TCTA: variants seen among roughly 807,000 people sequenced by gnomAD.
TCTA encodes the protein T-cell leukemia translocation-altered gene protein.
In TCTA, 13 loss-of-function variants were observed where a neutral mutation model predicts 13.5. That is an observed-to-expected ratio of 0.96 (90% CI 0.63 to 1.53). The LOEUF is 1.53. Ranked by LOEUF, TCTA falls within the 40% of genes most tolerant of loss-of-function variation. TCTA has a pLI of 0.00. For synonymous variants in TCTA, 58 were observed against 59.0 expected (o/e 0.98, Z 0.08); for missense variants, 138 against 131.3 (o/e 1.05, Z -0.25).
At chr3:49,412,964 C>A in intron 1 of TCTA, 92 bp from the exon 2 acceptor site, 1 of 1,348,262 alleles carries the variant, frequency 7.4e-7, no homozygotes, top group Non-Finnish European at 1.0e-6. Flanking sequence ...CTTCACCAAA[C>A]AATACCAGTG....
intron 2 of TCTA, 39 bp downstream of exon 2, chr3:49,413,149 A>T (rs749671476): frequency 3.1e-6 from 5 of 1,611,816 alleles, no homozygotes; most frequent in Non-Finnish European, 4.2e-6. Flanking sequence ...CATGCTTGGC[A>T]TTCCAAGGAC....
intron 2 of TCTA, 184 bp downstream of exon 2, chr3:49,413,294 A>G (rs1369566697): frequency 1.6e-6 from 1 of 617,854 alleles, no homozygotes; most frequent in Non-Finnish European, 2.9e-6. Flanking sequence ...TGGACAGTCC[A>G]TCATCATGCT....
Position 49,412,485 on chromosome 3 carries a change from C to T in TCTA, c.59C>T (p.Ala20Val). Residue 20 changes from alanine to valine, a missense_variant, in exon 1 of 3, where the codon GCG becomes GTG. Ala to Val is a moderately conservative substitution (Grantham distance 64). Transcript: ENST00000273590. ...LQALPATVLG[A>V]LGSEFLREWE... ...GCTCTGCCGGCCACGGTGCTGGGCGCGCTGGGCAGCGAGTTCTTGCGGGAG... is the reference window on the plus strand; with the variant it reads ...GCTCTGCCGGCCACGGTGCTGGGCGTGCTGGGCAGCGAGTTCTTGCGGGAG... 1 of 1,613,970 alleles carries T rather than the reference C, an allele frequency of 6.2e-7. No individual in the cohort carries two copies. Among genetic ancestry groups the T allele is most frequent in the Non-Finnish European group, 8.5e-7 (1 of 1,179,982 alleles).
chr3:49,412,914 C>G (rs1242222029), intron 1 of TCTA, 142 bp from the exon 2 acceptor site: 2 of 838,054 alleles, frequency 2.4e-6, no homozygotes, highest in Non-Finnish European at 3.8e-6. Context: ...TCAGAACTCT[C>G]ACCTGGCAAT....
chr3:49,412,679 C>G (rs754865265), intron 1 of TCTA, 39 bp downstream of exon 1: 1 of 1,600,052 alleles, frequency 6.2e-7, no homozygotes, highest in Non-Finnish European at 8.6e-7. Context: ...TGGCCGCCCC[C>G]GCCCCCACCC....
chr3:49,414,766 A>G, intron 2 of TCTA, 54 bp from the exon 3 acceptor site: 1 of 1,610,884 alleles, frequency 6.2e-7, no homozygotes. Context: ...AATTTCAGCA[A>G]CTGTTCTGCC....
At position 49,413,038 on chromosome 3, in the gene TCTA, A is replaced by C; in HGVS notation, c.215-18A>C. 6.2e-7 allele frequency: 1 copy of C among 1,613,702 alleles called. No homozygotes were observed. Among genetic ancestry groups the C allele is most frequent in the South Asian group, 1.1e-5 (1 of 91,040 alleles). On this transcript the variant is annotated intron_variant, in intron 1 of 2. Transcript: ENST00000273590. ...CCACCCCAGCCTTCTGCAGCTCTGGATGTGTTTCTGCCTCCAGGTCTGGGT... is the reference window on the plus strand; with the variant it reads ...CCACCCCAGCCTTCTGCAGCTCTGGCTGTGTTTCTGCCTCCAGGTCTGGGT...
Position 49,412,536 on chromosome 3 carries a change from C to G in TCTA, c.110C>G (p.Thr37Ser), listed in dbSNP as rs776467205. Residue 37 changes from threonine (T) to serine (S), a missense_variant, in exon 1 of 3, where the codon ACC becomes AGC. By Grantham distance (58) the Thr-to-Ser change is moderately conservative. Transcript: ENST00000273590. ...REWEAQDMRVTLFKLLLLWLV... is the reference protein window; with the variant it reads ...REWEAQDMRVSLFKLLLLWLV... The stretch of plus-strand genomic sequence containing the variant: ...TGGGAGGCGCAGGACATGCGCGTGA[C>G]CCTCTTCAAGCTGCTGCTGCTGTGG... 1.2e-6 allele frequency: 2 copies of G among 1,614,262 alleles called. No homozygotes were observed. Among genetic ancestry groups the G allele is most frequent in the Non-Finnish European group, 1.7e-6 (2 of 1,180,044 alleles).
At chr3:49,413,288 C>G in intron 2 of TCTA, 178 bp downstream of exon 2, 1 of 645,224 alleles carries the variant, frequency 1.5e-6, no homozygotes, top group South Asian at 1.8e-5. Context: ...AAGGTCTGGA[C>G]AGTCCATCAT....
intron 1 of TCTA, 136 bp downstream of exon 1, chr3:49,412,776 C>T (rs2048965165): frequency 1.9e-6 from 2 of 1,079,386 alleles, no homozygotes; most frequent in Non-Finnish European, 2.7e-6. Flanking sequence ...CTACCCTGAA[C>T]GCATCTGACC....
rs776467205 is a variant in TCTA at position 49,412,536 on chromosome 3, C to T, written c.110C>T (p.Thr37Ile). The part of the protein sequence containing the change: ...REWEAQDMRV[T>I]LFKLLLLWLV... ...TGGGAGGCGCAGGACATGCGCGTGACCCTCTTCAAGCTGCTGCTGCTGTGG... is the reference window on the plus strand; with the variant it reads ...TGGGAGGCGCAGGACATGCGCGTGATCCTCTTCAAGCTGCTGCTGCTGTGG... Residue 37 changes from threonine (T) to isoleucine (I), a missense_variant, in exon 1 of 3, where the codon ACC becomes ATC. Thr to Ile is a moderately conservative substitution (Grantham distance 89). Coordinates refer to ENST00000273590, the MANE Select transcript of TCTA (RefSeq NM_022171.3). 8 of 1,614,262 alleles carry T rather than the reference C, an allele frequency of 5.0e-6. No homozygotes were observed. The highest frequency in any genetic ancestry group is 2.2e-5 in the South Asian group (2 of 91,086).
chr3:49,416,183 T>C lies in TCTA; in HGVS notation c.*1321T>C, dbSNP rs2048997966. 1 of 157,870 alleles carries C rather than the reference T, an allele frequency of 6.3e-6. No individual in the cohort carries two copies. The highest frequency in any genetic ancestry group is 1.4e-5 in the Non-Finnish European group (1 of 71,204). 9.8% of individuals were successfully genotyped at this position (157,870 alleles called of 1,614,324 possible). ...TAGAAACACCAGTACCTGAAAGCAC[T>C]GTAGCCCTGGACCTGCCTCCTTCCC... On this transcript the variant is annotated 3_prime_UTR_variant, in exon 3 of 3. Transcript: ENST00000273590.
Position 49,414,908 on chromosome 3 carries a change from C to T in TCTA, c.*46C>T. The T allele has an allele frequency of 6.2e-7, 1 of 1,612,148 alleles. No homozygotes were observed. The highest frequency in any genetic ancestry group is 8.5e-7 in the Non-Finnish European group (1 of 1,178,472). On this transcript the variant is annotated 3_prime_UTR_variant, in exon 3 of 3. Transcript: ENST00000273590. ...CCAAGGGCATCACTGGGTCTGCTGG[C>T]TTCTACACTGGGTTCTGCTACTCCC...
rs4987108 is a variant in TCTA at position 49,416,410 on chromosome 3, A to G, written c.*1548A>G. The stretch of plus-strand genomic sequence containing the variant: ...GGCCCACCCACTAATACTACTGCAC[A>G]GAGTCAGGATCTCACATTTCACCCC... On this transcript the variant is annotated 3_prime_UTR_variant, in exon 3 of 3. Transcript: ENST00000273590. 3.8e-4 allele frequency: 103 copies of G among 272,706 alleles called. No individual in the cohort carries two copies. The highest frequency in any genetic ancestry group is 2.1e-3 in the African/African-American group (96 of 45,726). 16.9% of individuals were successfully genotyped at this position (272,706 alleles called of 1,614,324 possible).
chr3:49,413,518 C>CTGA (rs1382282710), intron 2 of TCTA: 1 of 165,736 alleles, frequency 6.0e-6, no homozygotes, highest in Non-Finnish European at 1.3e-5. Context: ...GGGCCCCTAT[C>CTGA]ACGTGATAGG....
In TCTA at chr3:49,415,267, A is replaced by C. The variant is rs1559526321; in HGVS notation, c.*405A>C. 1.2e-5 allele frequency: 2 copies of C among 166,742 alleles called. No individual in the cohort carries two copies. The highest frequency in any genetic ancestry group is 4.8e-5 in the African/African-American group (2 of 41,882). The allele number at this position is 166,742 out of a possible 1,614,324, so 10.3% of individuals were successfully genotyped here. A position where few individuals can be genotyped will look rare whatever the true frequency, so the allele number is the denominator to read the frequency against. On this transcript the variant is annotated 3_prime_UTR_variant, in exon 3 of 3. Transcript: ENST00000273590. ...CATGGTGGCTCACGCCTGTAATCCCAACACTTTGGGAGGCTGAGGCAGGCA... is the reference window on the plus strand; with the variant it reads ...CATGGTGGCTCACGCCTGTAATCCCCACACTTTGGGAGGCTGAGGCAGGCA...
chr3:49,416,401 C>G lies in TCTA; in HGVS notation c.*1539C>G. The G allele has an allele frequency of 3.8e-6, 1 of 261,916 alleles. No individual in the cohort carries two copies. The highest frequency in any genetic ancestry group is 4.2e-5 in the South Asian group (1 of 23,894). 16.2% of individuals were successfully genotyped at this position (261,916 alleles called of 1,614,324 possible). The stretch of plus-strand genomic sequence containing the variant: ...ACAGCCCCTGGCCCACCCACTAATA[C>G]TACTGCACAGAGTCAGGATCTCACA... On this transcript the variant is annotated 3_prime_UTR_variant, in exon 3 of 3. Transcript: ENST00000273590.
At position 49,412,609 on chromosome 3, in the gene TCTA, G is replaced by A. The variant is rs777307615; in HGVS notation, c.183G>A (p.Gly61=). 1 of 1,614,116 alleles carries A rather than the reference G, an allele frequency of 6.2e-7. No individual in the cohort carries two copies. The highest frequency in any genetic ancestry group is 8.5e-7 in the Non-Finnish European group (1 of 1,180,034). ...LGIQLAWGFY[G]NTVTGLYHRP... is the part of the protein sequence containing the mutation. ...TCCAGCTGGCGTGGGGGTTCTACGGGAATACAGTGACCGGGTTGTATCACC... is the reference window on the plus strand; with the variant it reads ...TCCAGCTGGCGTGGGGGTTCTACGGAAATACAGTGACCGGGTTGTATCACC... The change falls in exon 1 of 3, where the codon GGG becomes GGA. Residue 61 remains glycine (G), a synonymous_variant. Coordinates refer to ENST00000273590, the MANE Select transcript of TCTA (RefSeq NM_022171.3).
intron 1 of TCTA, 156 bp from the exon 2 acceptor site, chr3:49,412,900 T>C (rs758239169): frequency 2.6e-6 from 2 of 778,452 alleles, no homozygotes; most frequent in Non-Finnish European, 4.2e-6. Context: ...ATTGTATCTG[T>C]TCCTCAGAAC....
Sources: allele counts gnomAD v4.1 joint callset, GRCh38; gene constraint gnomAD v4.1.1; transcripts MANE v1.5; gene names NCBI Gene and HGNC (gene_info 2026-07-23, HGNC 2026-07-21).